The following WDR7 variants were observed in gnomAD, a reference collection of about 807,000 sequenced individuals.
The protein encoded by WDR7 is WD repeat domain 7, also known as WD repeat-containing protein 7.
WDR7 carries 46 observed loss-of-function variants against 169.4 expected under a neutral mutation model. That is an observed-to-expected ratio of 0.27 (90% confidence interval 0.21 to 0.35). The LOEUF is 0.35. Ranked by LOEUF, WDR7 falls within the 10% of genes least tolerant of loss-of-function variation. The pLI is 1.00. For missense variants in WDR7, 1,534 were observed against 1,859.3 expected (o/e 0.83, Z 3.22); for synonymous variants, 612 against 666.8 (o/e 0.92, Z 1.27).
chr18:56,663,118 C>G (rs1328255871), intron 1 of WDR7, among the ~76,000 whole-genome samples: 1 of 152,228 alleles, frequency 6.6e-6, no homozygotes, highest in Non-Finnish European at 1.5e-5. Flanking sequence ...GTCTCTTACC[C>G]TTCTTACAAG....
At chr18:56,921,511 GA>G in intron 21 of WDR7, among the ~76,000 whole-genome samples, 1 of 152,278 alleles carries the variant, frequency 6.6e-6, no homozygotes, top group Middle Eastern at 3.4e-3. Flanking sequence ...GAGTGAAATA[GA>G]ACATGATTTA....
intron 1 of WDR7, among the ~76,000 whole-genome samples, chr18:56,661,275 A>G (rs1207216296): frequency 6.6e-6 from 1 of 152,184 alleles, no homozygotes; most frequent in East Asian, 1.9e-4. Context: ...TTTAAAAAGT[A>G]AGGTCTTGGT....
At chr18:56,710,221 T>G (rs1291246434) in intron 12 of WDR7, among the ~76,000 whole-genome samples, 1 of 152,024 alleles carries the variant, frequency 6.6e-6, no homozygotes, top group African/African-American at 2.4e-5. Context: ...GCCAGGATGG[T>G]CTTGATTTCC....
rs746300146 is a variant in WDR7 at position 56,696,399 on chromosome 18, A to G, written c.1515A>G (p.Lys505=). 3.7e-6 allele frequency: 6 copies of G among 1,614,038 alleles called. No individual in the cohort carries two copies. The Admixed American group carries it at 1.0e-4, about 27-fold the overall frequency. Residue 505 remains lysine, a synonymous_variant, in exon 12 of 28, where the codon AAA becomes AAG. Transcript: ENST00000254442. The part of the protein sequence containing the change: ...IIWDIFSGEM[K]HIFCVHGGEI... ...GGGACATATTTTCTGGAGAAATGAA[A>G]CATATCTTCTGTGTTCATGGTGGTG...
chr18:57,032,330 A>C (rs2048445544), downstream of WDR7: 2 of 152,242 alleles, frequency 1.3e-5, no homozygotes, highest in Non-Finnish European at 2.9e-5. Context: ...GAATCACCAA[A>C]GCAAAGGAAA....
intron 19 of WDR7, among the ~76,000 whole-genome samples, chr18:56,786,015 G>A (rs2145093068): frequency 6.6e-6 from 1 of 152,106 alleles, no homozygotes; most frequent in South Asian, 2.1e-4. Context: ...CGCTTTTAAT[G>A]TAAAGTGCAT....
intron 20 of WDR7, among the ~76,000 whole-genome samples, chr18:56,868,528 C>T (rs924476963): frequency 5.3e-5 from 8 of 152,090 alleles, no homozygotes; most frequent in African/African-American, 1.9e-4. Flanking sequence ...TCTACCAGTC[C>T]ACCAAATGTT....
At chr18:56,836,324 C>T (rs1599086884) in intron 20 of WDR7, among the ~76,000 whole-genome samples, 1 of 152,194 alleles carries the variant, frequency 6.6e-6, no homozygotes, top group African/African-American at 2.4e-5. Context: ...CAACCAGCCC[C>T]TACCTCACTG....
At chr18:56,993,404 T>C (rs1313740662) in intron 26 of WDR7, among the ~76,000 whole-genome samples, 2 of 152,226 alleles carry the variant, frequency 1.3e-5, no homozygotes, top group East Asian at 3.8e-4. Flanking sequence ...TGCCATCTGC[T>C]ATAATGAGAT....
At chr18:56,683,683 G>A (rs773637288) in intron 5 of WDR7, among the ~76,000 whole-genome samples, 4 of 152,186 alleles carry the variant, frequency 2.6e-5, no homozygotes, top group Non-Finnish European at 5.9e-5. Context: ...TAGATGAGGA[G>A]AATGATGAGA....
intron 20 of WDR7, among the ~76,000 whole-genome samples, chr18:56,874,308 G>C (rs941320925): frequency 6.6e-6 from 1 of 151,820 alleles, no homozygotes; most frequent in Admixed American, 6.6e-5. Context: ...CATTTAGGTG[G>C]TTTTTTTCCC....
rs552996406 is a variant in WDR7, at chr18:56,720,376, G to T, written c.1774+2217G>T. Among the ~76,000 whole-genome samples the T allele has an allele frequency of 2.0e-5, 3 of 152,174 alleles. No individual in the cohort carries two copies. The East Asian group carries it at 5.8e-4, about 29-fold the overall frequency. On this transcript the variant is annotated intron_variant, in intron 13 of 27. Transcript: ENST00000254442. The stretch of plus-strand genomic sequence containing the variant: ...AGGTGAGAGAATCACTTGAGACCAG[G>T]AGGTCGAGGCTACAGTGAGCTGTGA...
intron 26 of WDR7, among the ~76,000 whole-genome samples, chr18:56,989,605 G>A (rs2047781234): frequency 6.6e-6 from 1 of 152,054 alleles, no homozygotes; most frequent in Non-Finnish European, 1.5e-5. Flanking sequence ...TAACTTCCCT[G>A]GCGAAGTGAA....
intron 16 of WDR7, among the ~76,000 whole-genome samples, chr18:56,772,834 C>A (rs1599032364): frequency 6.6e-6 from 1 of 151,876 alleles, no homozygotes; most frequent in African/African-American, 2.4e-5. Context: ...TTGGTGGAAA[C>A]CAATAGCTAA....
chr18:56,900,076 GTGTGTGTA>G (rs769721649), intron 21 of WDR7, among the ~76,000 whole-genome samples: 219 of 52,162 alleles, frequency 4.2e-3, no homozygotes, highest in African/African-American at 7.6e-3. Context: ...GTGTGTGTGT[GTGTGTGTA>G]TATATATATA....
chr18:56,969,264 A>C (rs921939695), intron 26 of WDR7, among the ~76,000 whole-genome samples: 1 of 152,170 alleles, frequency 6.6e-6, no homozygotes, highest in Non-Finnish European at 1.5e-5. Flanking sequence ...TACTAAGTTC[A>C]GTTAACTTTT....
intron 26 of WDR7, among the ~76,000 whole-genome samples, chr18:57,001,311 C>G (rs560032659): frequency 6.6e-6 from 1 of 151,994 alleles, no homozygotes; most frequent in Non-Finnish European, 1.5e-5. Context: ...GCATCCTTAC[C>G]GAGAAATGGT....
chr18:56,853,220 C>G (rs1352018515), intron 20 of WDR7, among the ~76,000 whole-genome samples: 1 of 152,098 alleles, frequency 6.6e-6, no homozygotes, highest in East Asian at 1.9e-4. Context: ...ATAGTGATGA[C>G]TTTCTTCCAG....
chr18:56,915,699 C>T (rs143393267), intron 21 of WDR7, among the ~76,000 whole-genome samples: 298 of 152,120 alleles, frequency 2.0e-3, no homozygotes, highest in African/African-American at 6.8e-3. Flanking sequence ...CATGAATTAT[C>T]CCTCAGGGGT....
Sources: allele counts gnomAD v4.1 joint callset (sites outside exome capture counted in the v4.1 genomes callset), GRCh38; gene constraint gnomAD v4.1.1; transcripts MANE v1.5; gene names NCBI Gene and HGNC (gene_info 2026-07-23, HGNC 2026-07-21).